The following IPPK variants were observed in gnomAD, a reference collection of about 807,000 sequenced individuals.
IPPK encodes IPK1 homolog.
In IPPK, 22 loss-of-function variants were observed where a neutral mutation model predicts 64.6. The ratio of observed to expected loss-of-function variants is 0.34; its 90% CI spans 0.24 to 0.49. The LOEUF is 0.49. IPPK is among the 20% of genes least tolerant of loss of function. The pLI is 0.99. For missense variants in IPPK, 532 were observed against 630.7 expected, an observed-to-expected ratio of 0.84 and a Z score of 1.68; for synonymous variants, 262 against 247.2, an observed-to-expected ratio of 1.06 and a Z score of -0.56.
In IPPK at chr9:92,670,061, G is replaced by A. The variant is rs1852697971; in HGVS notation, c.-73C>T. On this transcript the variant is annotated 5_prime_UTR_variant, in exon 1 of 13. Transcript: ENST00000287996. ...AGCTGGGGGCCGCCCGCCTCGCTGG[G>A]AACCAGCCGCTGCGGTCGGGGGAGG... 1.7e-6 allele frequency: 2 copies of A among 1,143,532 alleles called. No individual in the cohort carries two copies. The highest frequency in any genetic ancestry group is 1.4e-5 in the South Asian group (1 of 73,076). The allele number at this position is 1,143,532 out of a possible 1,614,324, so 70.8% of individuals were successfully genotyped here. A position where few individuals can be genotyped will look rare whatever the true frequency, so the allele number is the denominator to read the frequency against.
intron 12 of IPPK, 126 bp from the exon 13 acceptor site, chr9:92,616,183 T>C: frequency 1.5e-6 from 1 of 666,018 alleles, no homozygotes; most frequent in Non-Finnish European, 2.6e-6. Flanking sequence ...TCTGCAAAGT[T>C]AGATAAATCA....
Position 92,615,779 on chromosome 9 carries a change from A to G in IPPK, c.*53T>C. The G allele has an allele frequency of 7.1e-7, 1 of 1,401,876 alleles. No individual in the cohort carries two copies. Among genetic ancestry groups the G allele is most frequent in the Non-Finnish European group, 1.0e-6 (1 of 991,416 alleles). 86.8% of individuals were successfully genotyped at this position (1,401,876 alleles called of 1,614,324 possible). ...ACCCAACACAACAGAAAATATCTCT[A>G]TCATTCAGCCTTCACATTATGTTCA... On this transcript the variant is annotated 3_prime_UTR_variant, in exon 13 of 13. Transcript: ENST00000287996.
intron 3 of IPPK, among the ~76,000 whole-genome samples, chr9:92,656,187 T>C (rs1852368865): frequency 6.6e-6 from 1 of 151,882 alleles, no homozygotes; most frequent in African/African-American, 2.4e-5. Context: ...TCAAGAGCCC[T>C]CACCCAGCAG....
chr9:92,648,824 C>T (rs972128506), intron 5 of IPPK, among the ~76,000 whole-genome samples: 1 of 152,182 alleles, frequency 6.6e-6, no homozygotes, highest in Non-Finnish European at 1.5e-5. Context: ...CAGCCACCCC[C>T]GACATGGGAA....
At chr9:92,627,211 A>G (rs1851750060) in intron 11 of IPPK, among the ~76,000 whole-genome samples, 1 of 152,186 alleles carries the variant, frequency 6.6e-6, no homozygotes, top group South Asian at 2.1e-4. Context: ...AAGAGAATGA[A>G]TTAAAAATAA....
At chr9:92,643,799 G>A (rs1271222997) in intron 6 of IPPK, among the ~76,000 whole-genome samples, 1 of 152,230 alleles carries the variant, frequency 6.6e-6, no homozygotes, top group Admixed American at 6.5e-5. Flanking sequence ...TGTGGACAGA[G>A]ATCACTTCAT....
chr9:92,615,860 T>C lies in IPPK; in HGVS notation c.1448A>G (p.Asp483Gly). The change falls in exon 13 of 13, where the codon GAT becomes GGT. Residue 483 changes from aspartate to glycine, a missense_variant. Asp to Gly is a moderately conservative substitution (Grantham distance 94). Transcript: ENST00000287996. ...GACCTTGTGGAGAACTAATGTGCAATCTTCGCTTTCCTTGAACCGAGTCGA... is the reference window on the plus strand; with the variant it reads ...GACCTTGTGGAGAACTAATGTGCAACCTTCGCTTTCCTTGAACCGAGTCGA... ...VMSTRFKESE[D>G]CTLVLHKV 6.2e-7 allele frequency: 1 copy of C among 1,614,082 alleles called. No homozygotes were observed.
At position 92,635,448 on chromosome 9, in the gene IPPK, C is replaced by T. The variant is rs1851923801; in HGVS notation, c.917-140G>A. ...CCACAGGCAAGGACTGCACCCTGGACTGGCACTAAGGACAGACGAGATGAC... is the reference window on the plus strand; with the variant it reads ...CCACAGGCAAGGACTGCACCCTGGATTGGCACTAAGGACAGACGAGATGAC... On this transcript the variant is annotated intron_variant, in intron 9 of 12. Coordinates refer to ENST00000287996, the MANE Select transcript of IPPK (RefSeq NM_022755.6). This position sits in a 1 kb window ranked among gnomAD's most constrained non-coding sequence, Gnocchi z 4.4. 4 of 855,860 alleles carry T rather than the reference C, an allele frequency of 4.7e-6. No homozygotes were observed. Among genetic ancestry groups the T allele is most frequent in the Admixed American group, 2.9e-5 (1 of 34,350 alleles). 53.0% of individuals were successfully genotyped at this position (855,860 alleles called of 1,614,324 possible).
At chr9:92,654,232 G>A (rs978815150) in intron 3 of IPPK, among the ~76,000 whole-genome samples, 1 of 152,158 alleles carries the variant, frequency 6.6e-6, no homozygotes, top group Non-Finnish European at 1.5e-5. Flanking sequence ...AAAATAAAAC[G>A]CTGGCCTGGA....
At chr9:92,628,285 G>A (rs1391773732) in intron 11 of IPPK, among the ~76,000 whole-genome samples, 1 of 152,200 alleles carries the variant, frequency 6.6e-6, no homozygotes, top group Non-Finnish European at 1.5e-5. Flanking sequence ...AAGTCCCTAT[G>A]AGAATCCCAG....
At chr9:92,657,268 G>C (rs1472752932) in intron 2 of IPPK, among the ~76,000 whole-genome samples, 2 of 152,050 alleles carry the variant, frequency 1.3e-5, no homozygotes, top group African/African-American at 2.4e-5. Context: ...AGAATCACTT[G>C]AACCTAGGAG....
rs1023043547 is a variant in IPPK at position 92,658,607 on chromosome 9, G to C, written c.129+27C>G. On this transcript the variant is annotated intron_variant, in intron 2 of 12. Coordinates refer to ENST00000287996, the MANE Select transcript of IPPK (RefSeq NM_022755.6). ...GAGTTTTCTTAAATAATTGTTGTAA[G>C]TCTGGGTGCAAACCCACCCATCTTA... is the stretch of plus-strand genomic sequence containing the variant. 4 of 1,583,326 alleles carry C rather than the reference G, an allele frequency of 2.5e-6. No homozygotes were observed. The Admixed American group carries it at 6.7e-5, about 27-fold the overall frequency.
In IPPK at chr9:92,642,734, G is replaced by A. The variant is rs766866769; in HGVS notation, c.563+18C>T. The A allele has an allele frequency of 2.5e-6, 4 of 1,611,862 alleles. No individual in the cohort carries two copies. The Admixed American group carries it at 5.0e-5, about 20-fold the overall frequency. The stretch of plus-strand genomic sequence containing the variant: ...AGGGAACCTGACACAAGGGGGCAAA[G>A]GAGAAGTGTTCTCTTACCCTGAGTA... On this transcript the variant is annotated intron_variant, in intron 7 of 12. Transcript: ENST00000287996.
intron 1 of IPPK, among the ~76,000 whole-genome samples, chr9:92,661,444 G>A (rs1407102916): frequency 6.6e-6 from 1 of 152,192 alleles, no homozygotes; most frequent in Non-Finnish European, 1.5e-5. Context: ...TGCCCCCCAG[G>A]AGAGGATATG....
intron 11 of IPPK, among the ~76,000 whole-genome samples, chr9:92,625,810 G>C (rs1047565534): frequency 6.6e-6 from 1 of 152,150 alleles, no homozygotes; most frequent in Non-Finnish European, 1.5e-5. Context: ...CTCTCTGGAA[G>C]AAGGCATCCC....
At chr9:92,647,761 C>T (rs757078737) in intron 6 of IPPK, among the ~76,000 whole-genome samples, 5 of 151,632 alleles carry the variant, frequency 3.3e-5, no homozygotes, top group African/African-American at 9.7e-5. Context: ...ACGGGCCGGG[C>T]GCAGTGGCTC....
intron 2 of IPPK, among the ~76,000 whole-genome samples, chr9:92,658,321 T>C (rs1197198566): frequency 2.0e-5 from 3 of 152,210 alleles, no homozygotes; most frequent in Non-Finnish European, 4.4e-5. Context: ...GCAGGTGCTA[T>C]GGAACTCGGC....
intron 12 of IPPK, chr9:92,619,263 A>G (rs927179250): frequency 1.9e-6 from 1 of 531,246 alleles, no homozygotes; most frequent in Non-Finnish European, 3.4e-6. Context: ...TGTACTAACA[A>G]TCCTTTTAAG....
At chr9:92,669,032 G>A (rs745986836) in intron 1 of IPPK, among the ~76,000 whole-genome samples, 1 of 152,142 alleles carries the variant, frequency 6.6e-6, no homozygotes, top group African/African-American at 2.4e-5. Flanking sequence ...GGGTTCCTGC[G>A]TAACTGGTCT....
Sources: gnomAD v4.1 joint callset for allele counts (sites outside exome capture counted in the v4.1 genomes callset) on GRCh38, gnomAD v4.1.1 for gene constraint, Gnocchi (gnomAD v3.1) non-coding constraint, MANE v1.5 for transcripts, NCBI Gene and HGNC (gene_info 2026-07-23, HGNC 2026-07-21) for gene names.